The following PRR16 variants were observed in gnomAD, a reference collection of about 807,000 sequenced individuals.
The protein encoded by PRR16 is protein Largen.
PRR16 carries 6 observed loss-of-function variants against 18.2 expected under a neutral mutation model. The ratio of observed to expected loss-of-function variants is 0.33; its 90% CI spans 0.18 to 0.65. PRR16 has a LOEUF of 0.65. PRR16 is among the 30% of genes least tolerant of loss of function. The probability of loss-of-function intolerance (pLI) is 0.74; values close to 1 mark genes in which losing one functional copy is unlikely to be tolerated. For synonymous variants in PRR16, 151 were observed against 147.8 expected (o/e 1.02, Z -0.16); for missense variants, 412 against 376.6 (o/e 1.09, Z -0.78).
chr5:120,767,433 A>G, the PRR16 span, among the ~76,000 whole-genome samples: 1 of 151,884 alleles, frequency 6.6e-6, no homozygotes, highest in East Asian at 1.9e-4. Flanking sequence ...GGCTCTTTAC[A>G]ATCACCAATA....
At chr5:120,467,578 G>A (rs1749143430) in intron 1 of PRR16, among the ~76,000 whole-genome samples, 1 of 152,068 alleles carries the variant, frequency 6.6e-6, no homozygotes, top group African/African-American at 2.4e-5. Context: ...CAGGTAGTAG[G>A]ATAGAATCAA....
rs1252342292 is a variant in PRR16 at position 120,686,393 on chromosome 5, G to A, written c.599G>A (p.Gly200Glu). ...GAAAAAGACAGATGTCCCCAGGCAG[G>A]GCCTCGAGAACGAGTTCGGTTTAAT... Reference protein sequence around the residue: ...RPEKDRCPQAGPRERVRFNEK... With the variant: ...RPEKDRCPQAEPRERVRFNEK... Residue 200 changes from glycine to glutamate, a missense_variant, in exon 2 of 2, where the codon GGG becomes GAG. Coordinates refer to ENST00000407149, the MANE Select transcript of PRR16 (RefSeq NM_001300783.2). 1.9e-6 allele frequency: 3 copies of A among 1,613,938 alleles called. No individual in the cohort carries two copies. The highest frequency in any genetic ancestry group is 3.3e-5 in the Admixed American group (2 of 59,986).
At position 120,477,691 on chromosome 5, in the gene PRR16, C is replaced by T. The variant is rs374610894; in HGVS notation, c.159+13046C>T. Among the ~76,000 whole-genome samples the T allele has an allele frequency of 2.2e-4, 34 of 152,270 alleles. 3 individuals are homozygous for T. The East Asian group carries it at 4.1e-3, about 18-fold the overall frequency. On this transcript the variant is annotated intron_variant, in intron 1 of 1. Coordinates refer to ENST00000407149, the MANE Select transcript of PRR16 (RefSeq NM_001300783.2). ...TTTCTCATTTTACTCAAAGTCAGAG[C>T]ACTTACTGTAGCTTTGAGGCCTTTC...
At chr5:120,673,475 C>G in intron 1 of PRR16, among the ~76,000 whole-genome samples, 1 of 152,142 alleles carries the variant, frequency 6.6e-6, no homozygotes, top group East Asian at 1.9e-4. Context: ...ATTTTTACAT[C>G]ATTTAGTGTT....
chr5:120,530,258 T>A (rs1329288072), intron 1 of PRR16, among the ~76,000 whole-genome samples: 2 of 95,812 alleles, frequency 2.1e-5, no homozygotes, highest in African/African-American at 8.1e-5. Context: ...TGTGTAAATA[T>A]ATATATATAT....
chr5:120,529,889 T>C (rs1751488554), intron 1 of PRR16, among the ~76,000 whole-genome samples: 1 of 152,020 alleles, frequency 6.6e-6, no homozygotes, highest in Admixed American at 6.6e-5. Context: ...CAGAAAATAG[T>C]AAACACAATA....
the PRR16 span, among the ~76,000 whole-genome samples, chr5:120,776,971 A>T: frequency 6.6e-6 from 1 of 152,080 alleles, no homozygotes; most frequent in Admixed American, 6.6e-5. Flanking sequence ...TTTGTTTAAG[A>T]TATTATGTGA....
At chr5:120,793,749 T>A in the PRR16 span, among the ~76,000 whole-genome samples, 2 of 152,180 alleles carry the variant, frequency 1.3e-5, no homozygotes, top group African/African-American at 2.4e-5. Context: ...AAAACAGGGA[T>A]ACTTTCTGAA....
chr5:120,586,272 G>A (rs767013100), intron 1 of PRR16, among the ~76,000 whole-genome samples: 1 of 151,966 alleles, frequency 6.6e-6, no homozygotes, highest in Middle Eastern at 3.2e-3. Context: ...CTGGGTTATA[G>A]GTCTTAAAAA....
the PRR16 span, among the ~76,000 whole-genome samples, chr5:120,759,561 G>A: frequency 2.0e-5 from 3 of 152,032 alleles, no homozygotes; most frequent in East Asian, 5.8e-4. Context: ...ACAAGATTTT[G>A]TCTTTAGAAA....
At chr5:120,549,156 G>C (rs1032280007) in intron 1 of PRR16, among the ~76,000 whole-genome samples, 2 of 152,042 alleles carry the variant, frequency 1.3e-5, no homozygotes, top group East Asian at 3.9e-4. Context: ...AGTGTGATGG[G>C]GTGAATACTG....
In PRR16 at chr5:120,686,909, A is replaced by T; in HGVS notation, c.*200A>T. On this transcript the variant is annotated 3_prime_UTR_variant, in exon 2 of 2. Transcript: ENST00000407149. Reference sequence around the variant, plus strand: ...CATTATTTTAAATGTTGTATCATTAAAAACCTCAGAATGATGAAAAATATG... The same window carrying T: ...CATTATTTTAAATGTTGTATCATTATAAACCTCAGAATGATGAAAAATATG... 2.5e-6 allele frequency: 1 copy of T among 397,084 alleles called. No homozygotes were observed. The highest frequency in any genetic ancestry group is 4.4e-6 in the Non-Finnish European group (1 of 229,380). 24.6% of individuals were successfully genotyped at this position (397,084 alleles called of 1,614,324 possible). A position where few individuals can be genotyped will look rare whatever the true frequency, so the allele number is the denominator to read the frequency against.
intron 1 of PRR16, chr5:120,618,633 A>C: frequency 5.1e-6 from 4 of 785,432 alleles, no homozygotes; most frequent in Non-Finnish European, 6.2e-6. Flanking sequence ...AAAGAAAATA[A>C]ATTGTTGATT....
intron 1 of PRR16, among the ~76,000 whole-genome samples, chr5:120,671,584 A>G (rs1005251069): frequency 2.0e-5 from 3 of 152,212 alleles, no homozygotes; most frequent in African/African-American, 7.2e-5. Context: ...TTAAGCAAAT[A>G]AAGTATAATT....
chr5:120,788,763 C>T, the PRR16 span, among the ~76,000 whole-genome samples: 1 of 152,076 alleles, frequency 6.6e-6, no homozygotes, highest in African/African-American at 2.4e-5. Flanking sequence ...TTAGTAATGA[C>T]TCAGAGTAAG....
chr5:120,603,487 G>T (rs1391724508), intron 1 of PRR16, among the ~76,000 whole-genome samples: 1 of 151,752 alleles, frequency 6.6e-6, no homozygotes, highest in Admixed American at 6.6e-5. Context: ...TATCAATCTT[G>T]CTTATTCTTT....
At chr5:120,617,081 A>G (rs1435641927) in intron 1 of PRR16, 19 of 982,452 alleles carry the variant, frequency 1.9e-5, no homozygotes, top group East Asian at 2.3e-4. Context: ...AAAGTTTTCT[A>G]ATTTTTTTAA....
At chr5:120,626,510 C>T (rs146959476) in intron 1 of PRR16, among the ~76,000 whole-genome samples, 1 of 152,166 alleles carries the variant, frequency 6.6e-6, no homozygotes, top group African/African-American at 2.4e-5. Flanking sequence ...TGAAAATGTC[C>T]TAAAGCTGGA....
intron 1 of PRR16, among the ~76,000 whole-genome samples, chr5:120,487,285 A>C (rs1309140266): frequency 6.6e-6 from 1 of 152,090 alleles, no homozygotes; most frequent in Non-Finnish European, 1.5e-5. Context: ...ATGAGCATGG[A>C]ATGTTCTTCC....
Sources: gnomAD v4.1 joint callset for allele counts (sites outside exome capture counted in the v4.1 genomes callset) on GRCh38, gnomAD v4.1.1 for gene constraint, MANE v1.5 for transcripts, NCBI Gene and HGNC (gene_info 2026-07-23, HGNC 2026-07-21) for gene names.